CDC42SE2: variants seen among roughly 807,000 people sequenced by gnomAD.
CDC42SE2 encodes the protein CDC42 small effector 2, also known as CDC42 small effector protein 2.
In CDC42SE2, 3 loss-of-function variants were observed where a neutral mutation model predicts 11.5. The observed-to-expected ratio is 0.26, with a 90% confidence interval of 0.12 to 0.67. The LOEUF (loss-of-function observed/expected upper bound fraction) is 0.67. Among genes scored for constraint, CDC42SE2 ranks in the 30% least tolerant of loss-of-function variants. CDC42SE2 has a pLI of 0.80. For missense variants in CDC42SE2, 82 were observed against 106.8 expected (o/e 0.77, Z 1.02); for synonymous variants, 33 against 34.8 (o/e 0.95, Z 0.18).
At chr5:131,322,251 C>T (rs1183046724) in intron 2 of CDC42SE2, among the ~76,000 whole-genome samples, 1 of 152,150 alleles carries the variant, frequency 6.6e-6, no homozygotes, top group African/African-American at 2.4e-5. Context: ...GTTCACATTG[C>T]TGTGCAGCCA....
At chr5:131,315,720 ATCTG>A (rs1247944352) in intron 1 of CDC42SE2, among the ~76,000 whole-genome samples, 1 of 152,210 alleles carries the variant, frequency 6.6e-6, no homozygotes, top group Non-Finnish European at 1.5e-5. Context: ...CACCAAAGGT[ATCTG>A]TCTGCTGGAT....
intron 2 of CDC42SE2, among the ~76,000 whole-genome samples, chr5:131,342,256 G>A (rs1166535465): frequency 7.5e-6 from 1 of 132,500 alleles, no homozygotes; most frequent in Non-Finnish European, 1.6e-5. Context: ...CTCCAGCCTG[G>A]TGACAGAGTA....
At chr5:131,334,596 G>A (rs529711913) in intron 2 of CDC42SE2, among the ~76,000 whole-genome samples, 42 of 152,212 alleles carry the variant, frequency 2.8e-4, no homozygotes, top group African/African-American at 1.0e-3. Context: ...ATGTGGTCCT[G>A]GACTTTTTTT....
chr5:131,216,344 C>A, the CDC42SE2 span, among the ~76,000 whole-genome samples: 1 of 151,634 alleles, frequency 6.6e-6, no homozygotes, highest in African/African-American at 2.4e-5. Flanking sequence ...AAACAAAATA[C>A]AAAAAATATT....
At chr5:131,308,008 T>G (rs1473040133) in intron 1 of CDC42SE2, among the ~76,000 whole-genome samples, 3 of 152,192 alleles carry the variant, frequency 2.0e-5, no homozygotes, top group Admixed American at 6.5e-5. Context: ...TTTCTCCCAT[T>G]GTGTAGGTTG....
chr5:131,283,588 G>C (rs540440231), intron 1 of CDC42SE2, among the ~76,000 whole-genome samples: 22 of 151,674 alleles, frequency 1.5e-4, no homozygotes, highest in African/African-American at 5.1e-4. Flanking sequence ...CTGCCTCCTG[G>C]GTTCAAGTGA....
chr5:131,265,495 A>G (rs935832212), intron 1 of CDC42SE2, among the ~76,000 whole-genome samples: 1 of 152,200 alleles, frequency 6.6e-6, no homozygotes, highest in Non-Finnish European at 1.5e-5. Flanking sequence ...AAATGTCACC[A>G]TTTACTCAAC....
At chr5:131,283,588 G>A (rs540440231) in intron 1 of CDC42SE2, among the ~76,000 whole-genome samples, 3 of 151,556 alleles carry the variant, frequency 2.0e-5, no homozygotes, top group African/African-American at 7.3e-5. Flanking sequence ...CTGCCTCCTG[G>A]GTTCAAGTGA....
intron 2 of CDC42SE2, among the ~76,000 whole-genome samples, chr5:131,348,753 T>C (rs973819117): frequency 1.3e-5 from 2 of 152,142 alleles, no homozygotes; most frequent in Non-Finnish European, 2.9e-5. Context: ...ACTACAAGGC[T>C]ACAGTAACCA....
intron 2 of CDC42SE2, among the ~76,000 whole-genome samples, chr5:131,346,299 T>A (rs964888029): frequency 6.6e-6 from 1 of 151,984 alleles, no homozygotes. Flanking sequence ...AATAAAGGGA[T>A]GGAGGAAGAT....
At chr5:131,284,978 G>A (rs1036895826) in intron 1 of CDC42SE2, among the ~76,000 whole-genome samples, 9 of 151,628 alleles carry the variant, frequency 5.9e-5, no homozygotes, top group Non-Finnish European at 1.3e-4. Context: ...AACATAATGA[G>A]ACCCTATCTC....
At chr5:131,328,851 T>C (rs1258141565) in intron 2 of CDC42SE2, among the ~76,000 whole-genome samples, 4 of 152,216 alleles carry the variant, frequency 2.6e-5, no homozygotes, top group Admixed American at 6.5e-5. Context: ...CCTGGCACCA[T>C]TGAAGTGCTG....
At chr5:131,374,993 T>C (rs1209110232) in intron 3 of CDC42SE2, among the ~76,000 whole-genome samples, 3 of 151,824 alleles carry the variant, frequency 2.0e-5, no homozygotes, top group African/African-American at 7.3e-5. Context: ...ACAATATCAT[T>C]AATACTTGAA....
Position 131,267,301 on chromosome 5 carries a change from C to T in CDC42SE2, c.-455+3135C>T, listed in dbSNP as rs1561565599. 2.0e-5 allele frequency among the ~76,000 whole-genome samples: 3 copies of T among 152,038 alleles called. No individual in the cohort carries two copies. The South Asian group carries it at 6.2e-4, about 31-fold the overall frequency. On this transcript the variant is annotated intron_variant, in intron 1 of 4. Coordinates refer to ENST00000505065, the MANE Select transcript of CDC42SE2 (RefSeq NM_001375635.1). ...CTCGGTCTCTTGACCTCGTGATCTG[C>T]CCTCCTTGGCCTCCCAAAGTGCTGG... is the stretch of plus-strand genomic sequence containing the variant.
At chr5:131,305,552 T>C (rs1757762740) in intron 1 of CDC42SE2, among the ~76,000 whole-genome samples, 1 of 152,234 alleles carries the variant, frequency 6.6e-6, no homozygotes, top group African/African-American at 2.4e-5. Flanking sequence ...CATCTGTTTA[T>C]TGTCTTCTTT....
At chr5:131,341,985 T>C (rs1758721264) in intron 2 of CDC42SE2, among the ~76,000 whole-genome samples, 2 of 151,936 alleles carry the variant, frequency 1.3e-5, no homozygotes, top group South Asian at 4.2e-4. Flanking sequence ...CTTACAATTA[T>C]AAAAGTTAAT....
At chr5:131,284,044 C>CT (rs1757293170) in intron 1 of CDC42SE2, among the ~76,000 whole-genome samples, 1 of 152,132 alleles carries the variant, frequency 6.6e-6, no homozygotes, top group South Asian at 2.1e-4. Flanking sequence ...AACTGCTAGT[C>CT]TGTTTTCTAA....
intron 1 of CDC42SE2, among the ~76,000 whole-genome samples, chr5:131,271,925 C>A (rs979944790): frequency 3.6e-4 from 55 of 152,164 alleles, no homozygotes; most frequent in African/African-American, 1.3e-3. Context: ...GAAAACACAC[C>A]CAAGCTGACC....
At chr5:131,311,677 C>T (rs1757918120) in intron 1 of CDC42SE2, among the ~76,000 whole-genome samples, 1 of 152,216 alleles carries the variant, frequency 6.6e-6, no homozygotes, top group Non-Finnish European at 1.5e-5. Flanking sequence ...TCCCTTCTCA[C>T]TTCATTTCAT....
Sources: gnomAD v4.1 joint callset for allele counts (sites outside exome capture counted in the v4.1 genomes callset) on GRCh38, gnomAD v4.1.1 for gene constraint, MANE v1.5 for transcripts, NCBI Gene and HGNC (gene_info 2026-07-23, HGNC 2026-07-21) for gene names.